Variants in DST observed in about 807,000 individuals in gnomAD.
DST encodes the protein dystonin.
DST carries 253 observed loss-of-function variants against 875.2 expected under a neutral mutation model. The ratio of observed to expected loss-of-function variants is 0.29; its 90% confidence interval spans 0.26 to 0.32. The LOEUF (loss-of-function observed/expected upper bound fraction) is 0.32, where lower values mean the gene tolerates loss of function less well. DST is among the 10% of genes least tolerant of loss of function. The probability of loss-of-function intolerance (pLI) is 1.00; values close to 1 mark genes in which losing one functional copy is unlikely to be tolerated. For synonymous variants in DST, 3,124 were observed against 3,197.1 expected, an observed-to-expected ratio of 0.98 and a Z score of 0.77; for missense variants, 8,287 against 9,111.6, an observed-to-expected ratio of 0.91 and a Z score of 3.68.
chr6:56,682,694 A>G (rs1402305096), intron 9 of DST, among the ~76,000 whole-genome samples: 1 of 152,228 alleles, frequency 6.6e-6, no homozygotes. Flanking sequence ...CATAGTTCCA[A>G]CAGTGCTGTC....
Position 56,527,525 on chromosome 6 carries a change from C to T in DST, c.17890G>A (p.Glu5964Lys). 2 of 1,613,680 alleles carry T rather than the reference C, an allele frequency of 1.2e-6. No homozygotes were observed. The highest frequency in any genetic ancestry group is 1.7e-6 in the Non-Finnish European group (2 of 1,179,774). ...CTCATTTGTGCTTGACTTGCTTCTT[C>T]TCCTTTCAGAACCTGAGTTTCATAT... ...LSYETQVLKGEEASQAQMRPK... is the reference protein window; with the variant it reads ...LSYETQVLKGKEASQAQMRPK... The change falls in exon 68 of 104, where the codon GAA becomes AAA. Residue 5964 changes from glutamate to lysine, a missense_variant. Physicochemically the swap from Glu to Lys is moderately conservative, Grantham distance 56 (BLOSUM62 1). Coordinates refer to ENST00000680361, the MANE Select transcript of DST (RefSeq NM_001374736.1).
At chr6:56,701,832 G>GTGGA (rs1240753227) in intron 8 of DST, 56 bp downstream of exon 8, 1 of 1,082,208 alleles carries the variant, frequency 9.2e-7, no homozygotes, top group African/African-American at 1.6e-5. Flanking sequence ...ATGTTTCTAC[G>GTGGA]TGGATGTATT....
chr6:56,858,827 ACT>A (rs1467141936), intron 3 of DST, among the ~76,000 whole-genome samples: 1 of 152,194 alleles, frequency 6.6e-6, no homozygotes, highest in East Asian at 1.9e-4. Flanking sequence ...AAGCATTTTC[ACT>A]GACTATCTTA....
chr6:56,604,193 C>A lies in DST; in HGVS notation c.10435G>T (p.Gly3479Cys), dbSNP rs1272049186. 1 of 1,603,512 alleles carries A rather than the reference C, an allele frequency of 6.2e-7. No homozygotes were observed. The change falls in exon 40 of 104, where the codon GGC (glycine) becomes TGC (cysteine). Residue 3479 changes from glycine (G) to cysteine (C), a missense_variant. Coordinates refer to ENST00000680361, the MANE Select transcript of DST (RefSeq NM_001374736.1). ...THMEYDLEKR[G>C]ITSKVLPLQL... ...AGTGGAAGTACTTTAGACGTAATGCCTCTTTTCTCTAGGTCATACTCCATA... is the reference window on the plus strand; with the variant it reads ...AGTGGAAGTACTTTAGACGTAATGCATCTTTTCTCTAGGTCATACTCCATA...
chr6:56,542,551 C>T (rs1246111400), intron 61 of DST: 3 of 151,940 alleles, frequency 2.0e-5, no homozygotes, highest in Non-Finnish European at 4.4e-5. Flanking sequence ...TCCTCTAAGG[C>T]ACAGGCAGCG....
chr6:56,947,765 T>C (rs947202369), intron 2 of DST, among the ~76,000 whole-genome samples: 1 of 152,218 alleles, frequency 6.6e-6, no homozygotes, highest in Non-Finnish European at 1.5e-5. Context: ...AAAACAGGCA[T>C]GTGCTTTCCT....
At chr6:56,463,466 C>T (rs2094436973) in intron 101 of DST, 99 bp downstream of exon 101, 3 of 1,137,820 alleles carry the variant, frequency 2.6e-6, no homozygotes, top group Non-Finnish European at 2.4e-6. Flanking sequence ...ATGGAGATAG[C>T]TGGTCCTACA....
chr6:56,737,019 TC>T (rs892104432), intron 4 of DST, among the ~76,000 whole-genome samples: 2 of 139,578 alleles, frequency 1.4e-5, no homozygotes, highest in African/African-American at 5.9e-5. Context: ...CATGATGAAA[TC>T]CGTGTTTACA....
At chr6:56,464,374 C>T (rs1582056377) in intron 100 of DST, 2 of 387,494 alleles carry the variant, frequency 5.2e-6, no homozygotes, top group East Asian at 4.5e-5. Context: ...AACACCAGAC[C>T]CAAGGATCTG....
rs1026491605 is a variant in DST at position 56,482,846 on chromosome 6, C to T, written c.21239G>A (p.Ser7080Asn). The T allele has an allele frequency of 2.5e-6, 4 of 1,579,352 alleles. No homozygotes were observed. The highest frequency in any genetic ancestry group is 2.7e-5 in the African/African-American group (2 of 73,490). The change falls in exon 89 of 104, where the codon AGC becomes AAC. Residue 7080 changes from serine (S) to asparagine (N), a missense_variant. Ser to Asn is a conservative substitution (Grantham distance 46). Transcript: ENST00000680361. ...AFQKELGKRT[S>N]SVQALKRSAR... ...TGAGCGCTTCAGGGCCTGCACACTG[C>T]TGGTCCTCTTCCCCAACTCTTTTTG...
At chr6:56,901,883 C>A (rs756791229) in intron 2 of DST, among the ~76,000 whole-genome samples, 1 of 152,058 alleles carries the variant, frequency 6.6e-6, no homozygotes, top group African/African-American at 2.4e-5. Context: ...TCATGGCTTA[C>A]AATTTACTGG....
chr6:56,575,426 G>C (rs76896905), intron 50 of DST, among the ~76,000 whole-genome samples: 3,158 of 152,266 alleles, frequency 0.021, 112 homozygotes, highest in African/African-American at 0.07. Context: ...CTGAATGGCA[G>C]CTTGAAGTTG....
intron 30 of DST, 38 bp downstream of exon 30, chr6:56,631,173 T>C (rs1368495990): frequency 8.4e-7 from 1 of 1,190,908 alleles, no homozygotes; most frequent in Admixed American, 2.0e-5. Flanking sequence ...ATGAGAGTTG[T>C]ATGAAGCAAT....
In DST at chr6:56,546,872, G is replaced by A. The variant is rs139605334; in HGVS notation, c.16608+5312C>T. ...AGGTGGGCCTATAATAATGACAGTAGATACCGCAGTTTGGCTGTTTTATTG... is the reference window on the plus strand; with the variant it reads ...AGGTGGGCCTATAATAATGACAGTAAATACCGCAGTTTGGCTGTTTTATTG... On this transcript the variant is annotated intron_variant, in intron 61 of 103. Coordinates refer to ENST00000680361, the MANE Select transcript of DST (RefSeq NM_001374736.1). Among the ~76,000 whole-genome samples, 252 of 152,234 alleles carry A rather than the reference G, an allele frequency of 1.7e-3. 1 individual carries two copies. Among genetic ancestry groups the A allele is most frequent in the African/African-American group, 5.9e-3 (243 of 41,532 alleles).
intron 49 of DST, among the ~76,000 whole-genome samples, chr6:56,581,589 A>G (rs1185184422): frequency 1.3e-5 from 2 of 152,334 alleles, no homozygotes; most frequent in East Asian, 3.9e-4. Flanking sequence ...GTCTTCCAGA[A>G]GTTTGACCCT....
intron 4 of DST, among the ~76,000 whole-genome samples, chr6:56,827,325 C>A (rs2099781803): frequency 6.6e-6 from 1 of 151,872 alleles, no homozygotes; most frequent in African/African-American, 2.4e-5. Flanking sequence ...ACCAGCCTGA[C>A]CAACATGGTG....
intron 4 of DST, among the ~76,000 whole-genome samples, chr6:56,787,345 G>C (rs2099707294): frequency 6.6e-6 from 1 of 152,210 alleles, no homozygotes. Flanking sequence ...GTATAGTGAA[G>C]CTCAAAGAGA....
intron 44 of DST, among the ~76,000 whole-genome samples, chr6:56,600,765 T>A (rs2098438932): frequency 6.6e-6 from 1 of 152,072 alleles, no homozygotes; most frequent in African/African-American, 2.4e-5. Flanking sequence ...ATATAATTCA[T>A]TAAATCTTCT....
At position 56,631,389 on chromosome 6, in the gene DST, T is replaced by A; in HGVS notation, c.3964A>T (p.Lys1322Ter). The A allele has an allele frequency of 6.2e-7, 1 of 1,613,566 alleles. No individual in the cohort carries two copies. Among genetic ancestry groups the A allele is most frequent in the Non-Finnish European group, 8.5e-7 (1 of 1,179,634 alleles). ...AGTCGTTCCAGCTCTTTCTTTAGTT[T>A]CTATAAAACAGAGAACAAACAAAGG... is the stretch of plus-strand genomic sequence containing the variant. ...ESVFRITEQEKLKKELERLKD... is the reference protein window; with the variant it reads ...ESVFRITEQE The change falls in exon 30 of 104, where the codon AAA becomes TAA. Residue 1322 changes from lysine to a stop codon, truncating the protein, a stop_gained and splice_region_variant. Coordinates refer to ENST00000680361, the MANE Select transcript of DST (RefSeq NM_001374736.1). LOFTEE classifies it high-confidence loss of function.
Sources: gnomAD v4.1 joint callset for allele counts (sites outside exome capture counted in the v4.1 genomes callset) on GRCh38, gnomAD v4.1.1 for gene constraint, MANE v1.5 for transcripts, NCBI Gene and HGNC (gene_info 2026-07-23, HGNC 2026-07-21) for gene names.